Variants in SLC13A5 observed in about 807,000 individuals in gnomAD.
The protein encoded by SLC13A5 is solute carrier family 13 member 5.
Under a neutral mutation model 56.5 loss-of-function variants are expected in SLC13A5, and 25 were observed. The observed-to-expected ratio is 0.44, with a 90% confidence interval of 0.32 to 0.62. The LOEUF is 0.62. SLC13A5 is among the 20% of genes least tolerant of loss of function. SLC13A5 has a pLI of 0.04. For synonymous variants in SLC13A5, 307 were observed against 301.5 expected (o/e 1.02, Z -0.19); for missense variants, 649 against 737.8 (o/e 0.88, Z 1.39).
chr17:6,706,392 T>C (rs898053652), intron 3 of SLC13A5, among the ~76,000 whole-genome samples: 1 of 152,200 alleles, frequency 6.6e-6, no homozygotes, highest in Non-Finnish European at 1.5e-5. Flanking sequence ...CTTCCAAGCC[T>C]GCAAGGACTC....
rs1178327986 is a variant in SLC13A5, at chr17:6,685,834, T to C, written c.*373A>G. The C allele has an allele frequency of 1.5e-5, 3 of 197,902 alleles. No homozygotes were observed. Among genetic ancestry groups the C allele is most frequent in the African/African-American group, 2.3e-5 (1 of 43,912 alleles). 12.3% of individuals were successfully genotyped at this position (197,902 alleles called of 1,614,324 possible). A position where few individuals can be genotyped will look rare whatever the true frequency, so the allele number is the denominator to read the frequency against. Reference sequence around the variant, plus strand: ...CAGGGGATCCGATTCCCATTTAAACTATCTAGGACGAAGCGAGTGAAAACC... The same window carrying C: ...CAGGGGATCCGATTCCCATTTAAACCATCTAGGACGAAGCGAGTGAAAACC... On this transcript the variant is annotated 3_prime_UTR_variant, in exon 12 of 12. Transcript: ENST00000433363. The surrounding 1 kb of genome is among the most constrained non-coding windows in gnomAD (Gnocchi z 4.2).
At chr17:6,702,444 A>G (rs1288062768) in intron 5 of SLC13A5, among the ~76,000 whole-genome samples, 1 of 152,210 alleles carries the variant, frequency 6.6e-6, no homozygotes, top group Non-Finnish European at 1.5e-5. Context: ...ATAACGAAGC[A>G]GTGAAGCAGT....
Position 6,701,624 on chromosome 17 carries a change from C to T in SLC13A5, c.717-498G>A, listed in dbSNP as rs923533567. On this transcript the variant is annotated intron_variant, in intron 5 of 11. Transcript: ENST00000433363. The surrounding 1 kb of genome is among the most constrained non-coding windows in gnomAD (Gnocchi z 4.1). ...AATAGGGAGGCTGAAGCGGGAGAAT[C>T]GCTTGAACCCAGGAGGCAGAGGTTG... Among the ~76,000 whole-genome samples, 5 of 152,162 alleles carry T rather than the reference C, an allele frequency of 3.3e-5. No individual in the cohort carries two copies. The highest frequency in any genetic ancestry group is 6.5e-5 in the Admixed American group (1 of 15,274).
chr17:6,703,521 C>T (rs971911673), intron 4 of SLC13A5, among the ~76,000 whole-genome samples: 1 of 152,186 alleles, frequency 6.6e-6, no homozygotes, highest in African/African-American at 2.4e-5. Flanking sequence ...ATTTGAGCTG[C>T]TCGAGGAGGT....
In SLC13A5 at chr17:6,687,574, T is replaced by C. The variant is rs762703163; in HGVS notation, c.1530A>G (p.Pro510=). The change falls in exon 11 of 12, where the codon CCA becomes CCG. Residue 510 remains proline, a synonymous_variant. Transcript: ENST00000433363. The surrounding 1 kb of genome is among the most constrained non-coding windows in gnomAD (Gnocchi z 5.0). ...GCCCATAGGTGAACACGATGGCATT[T>C]GGAGGGGTGGCCACAGGCAACATGA... ...FAFMLPVATP[P]NAIVFTYGHL... 13 of 1,613,834 alleles carry C rather than the reference T, an allele frequency of 8.1e-6. No individual in the cohort carries two copies. The South Asian group carries it at 1.4e-4, about 18-fold the overall frequency.
chr17:6,706,838 A>G, intron 2 of SLC13A5, 60 bp from the exon 3 acceptor site: 1 of 1,599,832 alleles, frequency 6.3e-7, no homozygotes, highest in South Asian at 1.1e-5. Context: ...AGAGCCACCC[A>G]GTCCCCAGAT....
intron 6 of SLC13A5, among the ~76,000 whole-genome samples, chr17:6,697,802 C>T (rs1483659457): frequency 6.7e-6 from 1 of 150,232 alleles, no homozygotes; most frequent in Non-Finnish European, 1.5e-5. Context: ...GGGGTGGGGT[C>T]TGGCCCCTTT....
At chr17:6,690,096 C>CAAAAAAAAAAAAAAAAAAAAAAAA in intron 10 of SLC13A5, 1 of 72,160 alleles carries the variant, frequency 1.4e-5, no homozygotes, top group Non-Finnish European at 2.8e-5. Flanking sequence ...AAAAAAAAAA[C>CAAAAAAAAAAAAAAAAAAAAAAAA]CATAGCCACT....
intron 1 of SLC13A5, 50 bp from the exon 2 acceptor site, chr17:6,707,206 A>T: frequency 6.2e-7 from 1 of 1,603,980 alleles, no homozygotes; most frequent in Non-Finnish European, 8.5e-7. Flanking sequence ...CCCTCTCCCC[A>T]CCCCCAGAAC....
At chr17:6,706,095 T>C (rs1027424775) in intron 3 of SLC13A5, among the ~76,000 whole-genome samples, 1 of 152,172 alleles carries the variant, frequency 6.6e-6, no homozygotes, top group African/African-American at 2.4e-5. Flanking sequence ...ATTATGATTA[T>C]ATTGACTCCA....
intron 11 of SLC13A5, chr17:6,686,549 G>T: frequency 1.8e-6 from 1 of 569,098 alleles, no homozygotes; most frequent in Middle Eastern, 4.8e-4. Flanking sequence ...AGAGTGGATG[G>T]GTTCTCTATG....
chr17:6,690,987 G>T (rs1973393755), intron 9 of SLC13A5, 47 bp from the exon 10 acceptor site: 2 of 1,561,414 alleles, frequency 1.3e-6, no homozygotes, highest in Non-Finnish European at 8.7e-7. Context: ...CCAGCTTGCA[G>T]TTCCTTCAGG....
rs753420943 is a variant in SLC13A5 at position 6,703,978 on chromosome 17, C to T, written c.447G>A (p.Val149=). 1.2e-6 allele frequency: 2 copies of T among 1,613,018 alleles called. No homozygotes were observed. The highest frequency in any genetic ancestry group is 8.5e-7 in the Non-Finnish European group (1 of 1,179,484). The change falls in exon 4 of 12, where the codon GTG becomes GTA. Residue 149 remains valine (V), a synonymous_variant. Coordinates refer to ENST00000433363, the MANE Select transcript of SLC13A5 (RefSeq NM_177550.5). Reference sequence around the variant, plus strand: ...GCTGCAATATGGCCTCCACGATGGGCACCATCATGGCCGTGGTTGCCGTGT... The same window carrying T: ...GCTGCAATATGGCCTCCACGATGGGTACCATCATGGCCGTGGTTGCCGTGT... ...ISNTATTAMM[V]PIVEAILQQM... is the part of the protein sequence containing the mutation.
At chr17:6,696,741 G>C (rs115460828) in intron 6 of SLC13A5, among the ~76,000 whole-genome samples, 1,605 of 152,310 alleles carry the variant, frequency 0.011, 24 homozygotes, top group African/African-American at 0.036. Flanking sequence ...ACACATTCCA[G>C]TTCCAGCCAC....
intron 6 of SLC13A5, among the ~76,000 whole-genome samples, chr17:6,698,785 G>A (rs116796980): frequency 0.029 from 4,420 of 152,168 alleles, 198 homozygotes; most frequent in African/African-American, 0.099. Context: ...CATCTGTAAC[G>A]CCAGCACTTT....
rs1349957464 is a variant in SLC13A5 at position 6,706,968 on chromosome 17, A to G, written c.231+60T>C. 27 of 1,605,796 alleles carry G rather than the reference A, an allele frequency of 1.7e-5. No homozygotes were observed. The East Asian group carries it at 5.6e-4, about 33-fold the overall frequency. ...CAGGCCTGTGCGACTCACAGTGGGG[A>G]CTAGAGAAAGAGAGAAGGGGAGAAC... On this transcript the variant is annotated intron_variant, in intron 2 of 11. Coordinates refer to ENST00000433363, the MANE Select transcript of SLC13A5 (RefSeq NM_177550.5).
Position 6,695,910 on chromosome 17 carries a change from T to A in SLC13A5, c.871A>T (p.Ser291Cys), listed in dbSNP as rs370695545. 1 of 1,614,044 alleles carries A rather than the reference T, an allele frequency of 6.2e-7. No homozygotes were observed. Among genetic ancestry groups the A allele is most frequent in the African/African-American group, 1.3e-5 (1 of 75,038 alleles). Reference protein sequence around the residue: ...FKKSWGCGLESKKNEKAALKV... With the variant: ...FKKSWGCGLECKKNEKAALKV... Reference sequence around the variant, plus strand: ...AGGGCAGCCTTCTCGTTTTTCTTGCTCTCTAGCCCGCAGCCCCAGGACTTT... The same window carrying A: ...AGGGCAGCCTTCTCGTTTTTCTTGCACTCTAGCCCGCAGCCCCAGGACTTT... Residue 291 changes from serine to cysteine, a missense_variant, in exon 7 of 12, where the codon AGC becomes TGC. By Grantham distance (112) the Ser-to-Cys change is moderately radical (BLOSUM62 -1). Transcript: ENST00000433363.
chr17:6,702,945 C>A (rs1461039882), intron 5 of SLC13A5, 25 bp downstream of exon 5: 1 of 1,611,040 alleles, frequency 6.2e-7, no homozygotes, highest in Non-Finnish European at 8.5e-7. Flanking sequence ...TTCGTTGTCC[C>A]CAGAAGGTGC....
intron 6 of SLC13A5, among the ~76,000 whole-genome samples, chr17:6,700,496 C>T (rs571233611): frequency 1.3e-5 from 2 of 152,342 alleles, no homozygotes; most frequent in Admixed American, 1.3e-4. Context: ...CTGATGGACC[C>T]ACACGGCAAA....
Sources: gnomAD v4.1 joint callset for allele counts (sites outside exome capture counted in the v4.1 genomes callset) on GRCh38, gnomAD v4.1.1 for gene constraint, Gnocchi (gnomAD v3.1) non-coding constraint, MANE v1.5 for transcripts, NCBI Gene and HGNC (gene_info 2026-07-23, HGNC 2026-07-21) for gene names.